The following PTPRD variants were observed in gnomAD, a reference collection of about 807,000 sequenced individuals.
PTPRD encodes the protein protein tyrosine phosphatase receptor type D.
In PTPRD, 34 loss-of-function variants were observed where a neutral mutation model predicts 214.5. The ratio of observed to expected loss-of-function variants is 0.16; its 90% confidence interval spans 0.12 to 0.21. PTPRD has a LOEUF of 0.21. PTPRD is among the 10% of genes least tolerant of loss of function. The pLI, the probability that PTPRD is intolerant of heterozygous loss-of-function variation, is 1.00. For synonymous variants in PTPRD, 1,128 were observed against 845.7 expected, an observed-to-expected ratio of 1.33 and a Z score of -5.79; for missense variants, 2,545 against 2,398.7, an observed-to-expected ratio of 1.06 and a Z score of -1.27.
chr9:9,392,658 T>C (rs2066279468), intron 9 of PTPRD, among the ~76,000 whole-genome samples: 1 of 152,188 alleles, frequency 6.6e-6, no homozygotes, highest in Non-Finnish European at 1.5e-5. Context: ...CTCTGAATTT[T>C]CGAACTTTGA....
At chr9:8,699,127 T>C (rs1246014584) in intron 12 of PTPRD, among the ~76,000 whole-genome samples, 1 of 152,216 alleles carries the variant, frequency 6.6e-6, no homozygotes, top group Non-Finnish European at 1.5e-5. Context: ...ACAGAATTTA[T>C]GATCCTTTGA....
intron 3 of PTPRD, among the ~76,000 whole-genome samples, chr9:10,307,546 A>G (rs1249106030): frequency 6.6e-6 from 1 of 152,122 alleles, no homozygotes; most frequent in Non-Finnish European, 1.5e-5. Flanking sequence ...TCTCTTTAAT[A>G]TATGGCTTTC....
At chr9:10,061,595 C>G (rs913248120) in intron 3 of PTPRD, among the ~76,000 whole-genome samples, 37 of 152,012 alleles carry the variant, frequency 2.4e-4, no homozygotes, top group African/African-American at 8.5e-4. Flanking sequence ...TGATACCTTC[C>G]TATTCCCCAC....
intron 9 of PTPRD, among the ~76,000 whole-genome samples, chr9:9,365,848 T>C (rs892738283): frequency 2.6e-5 from 4 of 151,496 alleles, no homozygotes; most frequent in Non-Finnish European, 5.9e-5. Flanking sequence ...TAAACTCTAG[T>C]TATATTATAC....
intron 10 of PTPRD, among the ~76,000 whole-genome samples, chr9:9,117,733 G>T (rs985123058): frequency 1.3e-5 from 2 of 151,920 alleles, no homozygotes; most frequent in Non-Finnish European, 2.9e-5. Context: ...ATGTTAATAT[G>T]CCAAGAAAAA....
intron 12 of PTPRD, among the ~76,000 whole-genome samples, chr9:8,714,685 C>A (rs576559529): frequency 2.6e-5 from 4 of 151,910 alleles, no homozygotes; most frequent in Admixed American, 2.6e-4. Context: ...AACTTCCCTA[C>A]CTCCTTCAAA....
At chr9:8,431,302 C>G (rs557521341) in intron 35 of PTPRD, among the ~76,000 whole-genome samples, 1 of 152,224 alleles carries the variant, frequency 6.6e-6, no homozygotes. Flanking sequence ...AAAGAAGACG[C>G]TGGCTTGTAT....
chr9:10,473,338 G>C (rs1214897962), intron 2 of PTPRD, among the ~76,000 whole-genome samples: 1 of 152,052 alleles, frequency 6.6e-6, no homozygotes, highest in African/African-American at 2.4e-5. Context: ...CTCAAAATCT[G>C]TGTAGTTGGA....
chr9:10,245,195 A>G (rs1009979632), intron 3 of PTPRD, among the ~76,000 whole-genome samples: 23 of 152,108 alleles, frequency 1.5e-4, no homozygotes, highest in African/African-American at 5.6e-4. Flanking sequence ...CATACCCTGG[A>G]CCAGTTTTCC....
chr9:8,371,435 T>C (rs375505855), intron 39 of PTPRD, among the ~76,000 whole-genome samples: 8 of 152,054 alleles, frequency 5.3e-5, no homozygotes, highest in African/African-American at 1.9e-4. Flanking sequence ...TCAAGGTACG[T>C]ATGATCTGCA....
intron 9 of PTPRD, among the ~76,000 whole-genome samples, chr9:9,188,328 C>T (rs1179825779): frequency 6.6e-6 from 1 of 151,952 alleles, no homozygotes; most frequent in East Asian, 1.9e-4. Context: ...ATTAATGCCG[C>T]AATAAACATC....
rs1044994897 is a variant in PTPRD, at chr9:10,498,394, T to A, written c.-600+114004A>T. Reference sequence around the variant, plus strand: ...TATTTTTGTTTGCATACCAAAAAAATTAACTGTTAGCTTTATTGGCACTAA... The same window carrying A: ...TATTTTTGTTTGCATACCAAAAAAAATAACTGTTAGCTTTATTGGCACTAA... On this transcript the variant is annotated intron_variant, in intron 2 of 45. Coordinates refer to ENST00000381196, the MANE Select transcript of PTPRD (RefSeq NM_002839.4). Among the ~76,000 whole-genome samples, 43 of 152,062 alleles carry A rather than the reference T, an allele frequency of 2.8e-4. 1 individual carries two copies. The highest frequency in any genetic ancestry group is 4.6e-4 in the Admixed American group (7 of 15,228).
intron 7 of PTPRD, among the ~76,000 whole-genome samples, chr9:9,689,970 G>A (rs2097238453): frequency 6.6e-6 from 1 of 151,654 alleles, no homozygotes. Context: ...TCTCTCTTAT[G>A]TATTGATTTC....
chr9:10,144,812 A>G (rs548256636), intron 3 of PTPRD, among the ~76,000 whole-genome samples: 1 of 152,232 alleles, frequency 6.6e-6, no homozygotes, highest in African/African-American at 2.4e-5. Context: ...TAACAAAAAA[A>G]TCATTTCAGA....
chr9:10,267,524 T>C (rs1564894947), intron 3 of PTPRD, among the ~76,000 whole-genome samples: 1 of 152,142 alleles, frequency 6.6e-6, no homozygotes, highest in Non-Finnish European at 1.5e-5. Context: ...TAGCAAGATA[T>C]GAGAAAGAAA....
At chr9:9,441,906 G>T (rs145324037) in intron 8 of PTPRD, among the ~76,000 whole-genome samples, 1 of 152,212 alleles carries the variant, frequency 6.6e-6, no homozygotes, top group Non-Finnish European at 1.5e-5. Flanking sequence ...TTGAGCAATA[G>T]CAGGGGTGTT....
At position 9,904,722 on chromosome 9, in the gene PTPRD, A is replaced by T. The variant is rs140570320; in HGVS notation, c.-368+33785T>A. ...TATAAGGTTAAAAAGACAGAGAATA[A>T]AGCTTAAACATCTTTTTAATTTGAG... On this transcript the variant is annotated intron_variant, in intron 5 of 45. Transcript: ENST00000381196. Among the ~76,000 whole-genome samples, 201 of 152,178 alleles carry T rather than the reference A, an allele frequency of 1.3e-3. 3 individuals are homozygous for T. The highest frequency in any genetic ancestry group is 4.6e-3 in the African/African-American group (193 of 41,560).
At chr9:10,554,045 C>T (rs984068127) in intron 2 of PTPRD, among the ~76,000 whole-genome samples, 3 of 152,120 alleles carry the variant, frequency 2.0e-5, no homozygotes, top group African/African-American at 7.2e-5. Context: ...GATTTCCATA[C>T]AAGAACATCA....
chr9:9,578,568 A>T (rs1236836494), intron 7 of PTPRD, among the ~76,000 whole-genome samples: 3 of 152,126 alleles, frequency 2.0e-5, no homozygotes, highest in African/African-American at 7.2e-5. Context: ...AATAATTATA[A>T]ATACTTCAAA....
Sources: gnomAD v4.1 joint callset for allele counts (sites outside exome capture counted in the v4.1 genomes callset) on GRCh38, gnomAD v4.1.1 for gene constraint, MANE v1.5 for transcripts, NCBI Gene and HGNC (gene_info 2026-07-23, HGNC 2026-07-21) for gene names.